Variants in BMPER observed in about 807,000 individuals in gnomAD.
BMPER encodes the protein BMP binding endothelial regulator, also known as BMP-binding endothelial regulator protein.
A neutral mutation model predicts 87.3 loss-of-function variants in BMPER; 45 were observed. The ratio of observed to expected loss-of-function variants is 0.52; its 90% confidence interval spans 0.41 to 0.66. The LOEUF (loss-of-function observed/expected upper bound fraction) is 0.66, where lower values mean the gene tolerates loss of function less well. Ranked by LOEUF, BMPER falls within the 30% of genes least tolerant of loss-of-function variation. The pLI is 0.00. For missense variants in BMPER, 784 were observed against 867.5 expected, an observed-to-expected ratio of 0.90 and a Z score of 1.21; for synonymous variants, 326 against 316.2, an observed-to-expected ratio of 1.03 and a Z score of -0.33.
intron 13 of BMPER, among the ~76,000 whole-genome samples, chr7:34,118,681 T>A (rs936737593): frequency 3.9e-5 from 6 of 152,196 alleles, no homozygotes; most frequent in African/African-American, 1.4e-4. Flanking sequence ...ATACAAATAG[T>A]CAAATATTAT....
intron 3 of BMPER, among the ~76,000 whole-genome samples, chr7:33,952,606 A>C (rs1331665068): frequency 2.0e-5 from 3 of 152,194 alleles, no homozygotes; most frequent in East Asian, 3.9e-4. Context: ...TCTGAAACTG[A>C]AAGTATGTCC....
chr7:34,063,929 C>A (rs555532656), intron 11 of BMPER, among the ~76,000 whole-genome samples: 2 of 152,356 alleles, frequency 1.3e-5, no homozygotes, highest in African/African-American at 4.8e-5. Context: ...TGCATGAGCA[C>A]AGACTCATTA....
chr7:34,054,809 A>G (rs1354682526), intron 8 of BMPER, among the ~76,000 whole-genome samples: 1 of 152,216 alleles, frequency 6.6e-6, no homozygotes, highest in Non-Finnish European at 1.5e-5. Flanking sequence ...CTATTAGTGC[A>G]GGTTGCAAAG....
intron 6 of BMPER, among the ~76,000 whole-genome samples, chr7:34,028,367 G>A (rs1787414912): frequency 6.6e-6 from 1 of 151,682 alleles, no homozygotes; most frequent in African/African-American, 2.4e-5. Context: ...TTATTTAAAA[G>A]GAACACTTAA....
At chr7:34,145,112 T>A (rs922354989) in intron 14 of BMPER, among the ~76,000 whole-genome samples, 2 of 152,234 alleles carry the variant, frequency 1.3e-5, no homozygotes, top group African/African-American at 4.8e-5. Context: ...TTTCTTCAAT[T>A]GGCCTTGTGT....
In BMPER at chr7:34,141,136, T is replaced by A. The variant is rs75368514; in HGVS notation, c.1746-2094T>A. 4.2e-3 allele frequency among the ~76,000 whole-genome samples: 642 copies of A among 152,232 alleles called. 5 individuals are homozygous for A. Among genetic ancestry groups the A allele is most frequent in the African/African-American group, 0.015 (604 of 41,538 alleles). On this transcript the variant is annotated intron_variant, in intron 13 of 14. Coordinates refer to ENST00000649409, the MANE Select transcript of BMPER (RefSeq NM_001365308.1). The stretch of plus-strand genomic sequence containing the variant: ...GTTGAAACAACAAAGGGAAATGACA[T>A]TGAGGGAGATTCATACACTGGCATT...
chr7:34,039,162 A>T (rs1217095858), intron 6 of BMPER, among the ~76,000 whole-genome samples: 3 of 152,236 alleles, frequency 2.0e-5, no homozygotes, highest in African/African-American at 7.2e-5. Context: ...TCTTGAGCAC[A>T]TGTTAGAAGC....
At chr7:33,974,823 G>A (rs751286568) in intron 6 of BMPER, 39 bp downstream of exon 6, 5 of 1,591,070 alleles carry the variant, frequency 3.1e-6, no homozygotes. Flanking sequence ...TGTCCTTTGG[G>A]CAAAGCACTT....
intron 10 of BMPER, 65 bp from the exon 11 acceptor site, chr7:34,061,937 C>G: frequency 7.6e-7 from 1 of 1,317,698 alleles, no homozygotes; most frequent in Admixed American, 2.0e-5. Context: ...GATATTTGTC[C>G]TCAGGAGACC....
intron 6 of BMPER, among the ~76,000 whole-genome samples, chr7:34,005,125 G>C (rs1056930129): frequency 1.3e-5 from 2 of 152,086 alleles, no homozygotes; most frequent in African/African-American, 4.8e-5. Context: ...GACAAGTTCT[G>C]AGAGTGGAGC....
intron 11 of BMPER, chr7:34,067,177 G>T (rs1365320504): frequency 6.6e-6 from 1 of 152,180 alleles, no homozygotes. Flanking sequence ...CAGTTGCCAG[G>T]TGACTTTTTA....
chr7:34,088,981 G>A (rs1335473405), intron 13 of BMPER, among the ~76,000 whole-genome samples: 1 of 152,104 alleles, frequency 6.6e-6, no homozygotes, highest in Non-Finnish European at 1.5e-5. Context: ...TTTGTCTCAT[G>A]AGAATGTCAT....
chr7:33,966,613 T>G, intron 4 of BMPER, 52 bp downstream of exon 4: 3 of 1,539,882 alleles, frequency 1.9e-6, no homozygotes, highest in Non-Finnish European at 2.7e-6. Context: ...TAGAGTCCTC[T>G]TTAGTCACCC....
chr7:34,096,094 G>T (rs1355622250), intron 13 of BMPER, among the ~76,000 whole-genome samples: 1 of 152,190 alleles, frequency 6.6e-6, no homozygotes, highest in Non-Finnish European at 1.5e-5. Flanking sequence ...AGGCCTGAGT[G>T]CTGTGGTATC....
chr7:34,141,728 T>G (rs1036046432), intron 13 of BMPER, among the ~76,000 whole-genome samples: 1 of 152,128 alleles, frequency 6.6e-6, no homozygotes, highest in Non-Finnish European at 1.5e-5. Context: ...CTCTCAGTCC[T>G]TGACATGGAA....
intron 14 of BMPER, among the ~76,000 whole-genome samples, chr7:34,145,857 C>T (rs372855139): frequency 4.2e-4 from 64 of 152,246 alleles, no homozygotes; most frequent in African/African-American, 1.4e-3. Flanking sequence ...ATGTCAGCAT[C>T]TTCATTTCAG....
chr7:34,055,104 A>G, intron 8 of BMPER, 59 bp from the exon 9 acceptor site: 2 of 1,610,438 alleles, frequency 1.2e-6, no homozygotes, highest in East Asian at 4.5e-5. Flanking sequence ...AAGGCCAGGT[A>G]GGATGTTTGG....
intron 13 of BMPER, among the ~76,000 whole-genome samples, chr7:34,111,632 C>A (rs1212429686): frequency 6.6e-6 from 1 of 152,188 alleles, no homozygotes; most frequent in Non-Finnish European, 1.5e-5. Flanking sequence ...ATCTTTTCAA[C>A]CCTATAAAAA....
chr7:34,058,662 A>G (rs1048055480), intron 10 of BMPER, among the ~76,000 whole-genome samples: 8 of 152,216 alleles, frequency 5.3e-5, no homozygotes, highest in African/African-American at 1.7e-4. Context: ...GTAGCCCCAA[A>G]TGGAAATAGC....
Sources: gnomAD v4.1 joint callset for allele counts (sites outside exome capture counted in the v4.1 genomes callset) on GRCh38, gnomAD v4.1.1 for gene constraint, MANE v1.5 for transcripts, NCBI Gene and HGNC (gene_info 2026-07-23, HGNC 2026-07-21) for gene names.